TAFA2: variants seen among roughly 807,000 people sequenced by gnomAD.
The protein encoded by TAFA2 is TAFA chemokine like family member 2, also known as chemokine-like protein TAFA-2.
TAFA2 carries 7 observed loss-of-function variants against 18.8 expected under a neutral mutation model. The observed-to-expected ratio is 0.37, with a 90% CI of 0.21 to 0.70. The LOEUF (loss-of-function observed/expected upper bound fraction) is 0.70, where lower values mean the gene tolerates loss of function less well. TAFA2 is among the 30% of genes least tolerant of loss of function. TAFA2 has a pLI of 0.53. For synonymous variants in TAFA2, 60 were observed against 54.2 expected (o/e 1.11, Z -0.47); for missense variants, 122 against 158.1 (o/e 0.77, Z 1.23).
intron 1 of TAFA2, among the ~76,000 whole-genome samples, chr12:62,210,641 A>G (rs1221967207): frequency 1.3e-5 from 2 of 152,242 alleles, no homozygotes; most frequent in Non-Finnish European, 2.9e-5. Flanking sequence ...TGAATGGCAA[A>G]AAGCATGTAC....
At chr12:62,226,194 CTTTT>C (rs148187631) in intron 1 of TAFA2, among the ~76,000 whole-genome samples, 1 of 134,606 alleles carries the variant, frequency 7.4e-6, no homozygotes, top group Non-Finnish European at 1.6e-5. Context: ...CTTGATTACT[CTTTT>C]TTTTTTTTTT....
intron 1 of TAFA2, among the ~76,000 whole-genome samples, chr12:62,166,572 C>T (rs941546659): frequency 3.3e-5 from 5 of 152,034 alleles, no homozygotes; most frequent in Admixed American, 6.6e-5. Context: ...TCCCTTTCCC[C>T]TCTGTTTGCT....
At chr12:62,249,524 T>C (rs2062902351) in intron 1 of TAFA2, among the ~76,000 whole-genome samples, 1 of 152,132 alleles carries the variant, frequency 6.6e-6, no homozygotes, top group East Asian at 1.9e-4. Context: ...CTCTCCCACT[T>C]TTCCTCTCTC....
intron 1 of TAFA2, among the ~76,000 whole-genome samples, chr12:62,222,526 G>T (rs993372191): frequency 6.6e-6 from 1 of 151,640 alleles, no homozygotes; most frequent in Non-Finnish European, 1.5e-5. Context: ...TTATTATTTT[G>T]AGACGGAGTC....
chr12:61,935,012 A>G (rs1004429943), intron 1 of TAFA2, among the ~76,000 whole-genome samples: 5 of 152,184 alleles, frequency 3.3e-5, no homozygotes, highest in African/African-American at 1.2e-4. Context: ...ATAAGCATTG[A>G]CCAAGCCTGG....
intron 1 of TAFA2, among the ~76,000 whole-genome samples, chr12:62,010,021 T>C (rs75078651): frequency 0.069 from 10,467 of 152,256 alleles, 458 homozygotes; most frequent in Non-Finnish European, 0.11. Flanking sequence ...TCATAACATA[T>C]TTAAATGTGC....
intron 1 of TAFA2, among the ~76,000 whole-genome samples, chr12:61,971,884 G>A (rs1379096095): frequency 1.3e-5 from 2 of 151,618 alleles, no homozygotes; most frequent in African/African-American, 2.4e-5. Context: ...GAAATCTACA[G>A]TAATCAAAAT....
At chr12:61,889,389 CA>C (rs1310909046) in intron 1 of TAFA2, among the ~76,000 whole-genome samples, 4 of 152,216 alleles carry the variant, frequency 2.6e-5, no homozygotes, top group East Asian at 1.9e-4. Flanking sequence ...CAGTCTGCAC[CA>C]CTAGATTTAA....
chr12:62,250,233 T>C (rs2062906260), intron 1 of TAFA2, among the ~76,000 whole-genome samples: 1 of 152,222 alleles, frequency 6.6e-6, no homozygotes, highest in South Asian at 2.1e-4. Context: ...AATTTTCCCC[T>C]TGGCACTTTG....
intron 2 of TAFA2, among the ~76,000 whole-genome samples, chr12:61,820,905 T>C (rs990546280): frequency 3.3e-5 from 5 of 151,998 alleles, no homozygotes; most frequent in African/African-American, 4.8e-5. Flanking sequence ...ATTCTTTGTT[T>C]TGAAAATATT....
At chr12:61,711,916 T>C (rs1424293503) in intron 4 of TAFA2, among the ~76,000 whole-genome samples, 2 of 152,120 alleles carry the variant, frequency 1.3e-5, no homozygotes, top group African/African-American at 4.8e-5. Flanking sequence ...TTATCAATTA[T>C]CAACTATCAA....
intron 2 of TAFA2, among the ~76,000 whole-genome samples, chr12:61,817,298 A>G (rs1872124861): frequency 6.6e-6 from 1 of 152,168 alleles, no homozygotes. Context: ...ATATTTTCCT[A>G]ACCTACCTTC....
At chr12:61,980,020 T>C (rs1056674526) in intron 1 of TAFA2, among the ~76,000 whole-genome samples, 4 of 152,224 alleles carry the variant, frequency 2.6e-5, no homozygotes, top group African/African-American at 9.6e-5. Flanking sequence ...CTAATGCTTA[T>C]TCAGAAAATT....
chr12:61,889,129 A>G (rs960289387), intron 1 of TAFA2, among the ~76,000 whole-genome samples: 1 of 152,192 alleles, frequency 6.6e-6, no homozygotes, highest in African/African-American at 2.4e-5. Flanking sequence ...TAGAAGTAAC[A>G]TGATTATTGA....
At chr12:61,956,896 C>G (rs1878714765) in intron 1 of TAFA2, among the ~76,000 whole-genome samples, 1 of 152,120 alleles carries the variant, frequency 6.6e-6, no homozygotes, top group African/African-American at 2.4e-5. Flanking sequence ...AATTACTTGA[C>G]AGTTATCCAA....
chr12:61,980,766 C>T (rs1458772762), intron 1 of TAFA2, among the ~76,000 whole-genome samples: 1 of 152,146 alleles, frequency 6.6e-6, no homozygotes, highest in Non-Finnish European at 1.5e-5. Flanking sequence ...TGAAGGACCT[C>T]TTCAAGGAGA....
At chr12:62,087,182 T>C (rs1868490153) in intron 1 of TAFA2, among the ~76,000 whole-genome samples, 1 of 152,132 alleles carries the variant, frequency 6.6e-6, no homozygotes, top group East Asian at 1.9e-4. Context: ...TGTAGAGTTA[T>C]GGGACTGGGA....
chr12:61,826,680 A>G (rs1164178565), intron 2 of TAFA2, among the ~76,000 whole-genome samples: 2 of 152,004 alleles, frequency 1.3e-5, no homozygotes, highest in African/African-American at 4.8e-5. Context: ...TGTAATCCTC[A>G]GATTTGACTC....
In TAFA2 at chr12:61,708,589, T is replaced by A. The variant is rs966079304; in HGVS notation, c.*1817A>T. 9 of 152,122 alleles carry A rather than the reference T, an allele frequency of 5.9e-5. No individual in the cohort carries two copies. Among genetic ancestry groups the A allele is most frequent in the Non-Finnish European group, 8.8e-5 (6 of 67,998 alleles). The allele number at this position is 152,122 out of a possible 1,614,324, so 9.4% of individuals were successfully genotyped here. A position where few individuals can be genotyped will look rare whatever the true frequency, so the allele number is the denominator to read the frequency against. On this transcript the variant is annotated 3_prime_UTR_variant, in exon 5 of 5. Coordinates refer to ENST00000416284, the MANE Select transcript of TAFA2 (RefSeq NM_178539.5). ...CAGAAACCCCAGGGCAACTTTTTTT[T>A]TATAATTTCATATAGTCTTGAGCCA...
Sources: gnomAD v4.1 joint callset for allele counts (sites outside exome capture counted in the v4.1 genomes callset) on GRCh38, gnomAD v4.1.1 for gene constraint, MANE v1.5 for transcripts, NCBI Gene and HGNC (gene_info 2026-07-23, HGNC 2026-07-21) for gene names.